The following CELSR1 variants were observed in gnomAD, a reference collection of about 807,000 sequenced individuals.
CELSR1 encodes cadherin EGF LAG seven-pass G-type receptor 1.
CELSR1 carries 110 observed loss-of-function variants against 249.1 expected under a neutral mutation model. The ratio of observed to expected loss-of-function variants is 0.44; its 90% CI spans 0.38 to 0.52. The LOEUF (loss-of-function observed/expected upper bound fraction) is 0.52, where lower values mean the gene tolerates loss of function less well. Among genes scored for constraint, CELSR1 ranks in the 20% least tolerant of loss-of-function variants. The pLI is 0.00. For missense variants in CELSR1, 4,109 were observed against 4,296.4 expected (o/e 0.96, Z 1.22); for synonymous variants, 2,113 against 1,900.0 (o/e 1.11, Z -2.92).
In CELSR1 at chr22:46,518,680, G is replaced by GCCT. The variant is rs1378413570; in HGVS notation, c.3544+14944_3544+14946dup. On this transcript the variant is annotated intron_variant, in intron 1 of 34. Coordinates refer to ENST00000674500, the MANE Select transcript of CELSR1 (RefSeq NM_001378328.1). This position sits in a 1 kb window ranked among gnomAD's most constrained non-coding sequence, Gnocchi z 5.2. ...TAATCCGAGTGTGGCTGCGGTCTCT[G>GCCT]CCTCCATCTTCACGTTGTGGCCTCC... Among the ~76,000 whole-genome samples, 1 of 152,220 alleles carries GCCT rather than the reference G, an allele frequency of 6.6e-6. No individual in the cohort carries two copies. Among genetic ancestry groups the GCCT allele is most frequent in the East Asian group, 1.9e-4 (1 of 5,194 alleles).
In CELSR1 at chr22:46,384,004, G is replaced by A. The variant is rs147678910; in HGVS notation, c.6883+539C>T. 5.1e-4 allele frequency among the ~76,000 whole-genome samples: 77 copies of A among 150,986 alleles called. No individual in the cohort carries two copies. The East Asian group carries it at 0.014, about 27-fold the overall frequency. On this transcript the variant is annotated intron_variant, in intron 20 of 34. Transcript: ENST00000674500. ...GAGTCTTACCAGGCTGGCATATCTCGGCTCACTACAACCTCTGCCTCGTGG... is the reference window on the plus strand; with the variant it reads ...GAGTCTTACCAGGCTGGCATATCTCAGCTCACTACAACCTCTGCCTCGTGG...
rs983445265 is a variant in CELSR1, at chr22:46,377,787, C to T, written c.7384-526G>A. On this transcript the variant is annotated intron_variant, in intron 23 of 34. Coordinates refer to ENST00000674500, the MANE Select transcript of CELSR1 (RefSeq NM_001378328.1). Reference sequence around the variant, plus strand: ...TTCACCTGCATATTGCACAAGAGGCCGCTGCCCTCCTCCAGCCCCGCCTGA... The same window carrying T: ...TTCACCTGCATATTGCACAAGAGGCTGCTGCCCTCCTCCAGCCCCGCCTGA... 3.9e-5 allele frequency among the ~76,000 whole-genome samples: 6 copies of T among 152,342 alleles called. No homozygotes were observed. In the South Asian group the frequency reaches 8.3e-4, roughly 21 times the overall value.
rs982476621 is a variant in CELSR1 at position 46,430,061 on chromosome 22, G to A, written c.4611+3332C>T. 1.3e-5 allele frequency among the ~76,000 whole-genome samples: 2 copies of A among 152,212 alleles called. No individual in the cohort carries two copies. Among genetic ancestry groups the A allele is most frequent in the Non-Finnish European group, 2.9e-5 (2 of 68,032 alleles). Reference sequence around the variant, plus strand: ...ACTGGTGGGTGGGGGAAGGGTCCCCGCAGGTTGCACGTGGAGGCAGTGCAG... The same window carrying A: ...ACTGGTGGGTGGGGGAAGGGTCCCCACAGGTTGCACGTGGAGGCAGTGCAG... On this transcript the variant is annotated intron_variant, in intron 5 of 34. Transcript: ENST00000674500. The surrounding 1 kb of genome is among the most constrained non-coding windows in gnomAD (Gnocchi z 4.6).
chr22:46,454,074 C>G lies in CELSR1; in HGVS notation c.4183+9633G>C, dbSNP rs1192481976. On this transcript the variant is annotated intron_variant, in intron 2 of 34. Coordinates refer to ENST00000674500, the MANE Select transcript of CELSR1 (RefSeq NM_001378328.1). This position sits in a 1 kb window ranked among gnomAD's most constrained non-coding sequence, Gnocchi z 5.1. ...TTACTGTGTGGCCCCAAAGTCATCA[C>G]AAGGCTCCTTGTAAGCGGTGGGAGG... 6.6e-6 allele frequency among the ~76,000 whole-genome samples: 1 copy of G among 152,158 alleles called. No individual in the cohort carries two copies. Among genetic ancestry groups the G allele is most frequent in the Non-Finnish European group, 1.5e-5 (1 of 68,028 alleles).
chr22:46,478,221 G>C (rs2082974693), intron 1 of CELSR1, among the ~76,000 whole-genome samples: 1 of 152,168 alleles, frequency 6.6e-6, no homozygotes. Flanking sequence ...GCGCCGTCTG[G>C]GGCATTCCCC....
intron 27 of CELSR1, 78 bp downstream of exon 27, chr22:46,369,101 C>A: frequency 4.1e-6 from 6 of 1,456,688 alleles, no homozygotes; most frequent in Middle Eastern, 3.6e-4. Flanking sequence ...CTCATGGGGC[C>A]CCACCCCGCA....
At chr22:46,463,439 CG>C (rs1255760438) in intron 2 of CELSR1, among the ~76,000 whole-genome samples, 2 of 151,880 alleles carry the variant, frequency 1.3e-5, no homozygotes, top group African/African-American at 4.8e-5. Context: ...TCGCTTGAAC[CG>C]AGGAGGCGGA....
rs775053587 is a variant in CELSR1 at position 46,364,317 on chromosome 22, G to C, written c.8780-66C>G. The C allele has an allele frequency of 7.0e-5, 111 of 1,574,846 alleles. No individual in the cohort carries two copies. The African/African-American group carries it at 8.5e-4, about 12-fold the overall frequency. On this transcript the variant is annotated intron_variant, in intron 33 of 34. Coordinates refer to ENST00000674500, the MANE Select transcript of CELSR1 (RefSeq NM_001378328.1). ...CTGCCGGGGGCAGCTGCTGGGCCGT[G>C]TGCAGCTGAGCCAGCCTCAGCCCCT... is the stretch of plus-strand genomic sequence containing the variant.
rs186684206 is a variant in CELSR1, at chr22:46,434,647, G to A, written c.4523-1166C>T. Among the ~76,000 whole-genome samples the A allele has an allele frequency of 1.3e-5, 2 of 152,306 alleles. No individual in the cohort carries two copies. The highest frequency in any genetic ancestry group is 4.8e-5 in the African/African-American group (2 of 41,576). On this transcript the variant is annotated intron_variant, in intron 4 of 34. Coordinates refer to ENST00000674500, the MANE Select transcript of CELSR1 (RefSeq NM_001378328.1). This position sits in a 1 kb window ranked among gnomAD's most constrained non-coding sequence, Gnocchi z 4.9. ...GTTCTAGAGACGGAAGCAGCTCTGA[G>A]CCATCTTGGTGAACTTCCAGGTGAA...
rs1259745655 is a variant in CELSR1 at position 46,446,093 on chromosome 22, A to C, written c.4184-6682T>G. Among the ~76,000 whole-genome samples the C allele has an allele frequency of 6.6e-6, 1 of 152,116 alleles. No homozygotes were observed. The highest frequency in any genetic ancestry group is 1.5e-5 in the Non-Finnish European group (1 of 68,008). ...ACTGCTCCATAAAGACCCCAGCCTA[A>C]GGGGTCCCAGGGCCCAGCCCCCAGC... On this transcript the variant is annotated intron_variant, in intron 2 of 34. Coordinates refer to ENST00000674500, the MANE Select transcript of CELSR1 (RefSeq NM_001378328.1). The surrounding 1 kb of genome is among the most constrained non-coding windows in gnomAD (Gnocchi z 5.5).
In CELSR1 at chr22:46,472,860, G is replaced by A. The variant is rs2080169804; in HGVS notation, c.3545-8515C>T. Among the ~76,000 whole-genome samples the A allele has an allele frequency of 6.6e-6, 1 of 152,188 alleles. No individual in the cohort carries two copies. The highest frequency in any genetic ancestry group is 2.4e-5 in the African/African-American group (1 of 41,436). On this transcript the variant is annotated intron_variant, in intron 1 of 34. Coordinates refer to ENST00000674500, the MANE Select transcript of CELSR1 (RefSeq NM_001378328.1). This position sits in a 1 kb window ranked among gnomAD's most constrained non-coding sequence, Gnocchi z 7.0. ...CCTCTGGCCTCTGCCTCTGCGCCAAGTGGCTATGGCTCTCCCTGTGTCGTC... is the reference window on the plus strand; with the variant it reads ...CCTCTGGCCTCTGCCTCTGCGCCAAATGGCTATGGCTCTCCCTGTGTCGTC...
intron 20 of CELSR1, among the ~76,000 whole-genome samples, chr22:46,383,131 A>C (rs982419060): frequency 6.6e-6 from 1 of 152,146 alleles, no homozygotes; most frequent in African/African-American, 2.4e-5. Context: ...TTCTCACTCT[A>C]TTAGTTCCAG....
At chr22:46,465,385 CCT>C (rs1194622351) in intron 1 of CELSR1, among the ~76,000 whole-genome samples, 12 of 152,274 alleles carry the variant, frequency 7.9e-5, no homozygotes, top group African/African-American at 2.9e-4. Context: ...GCGTGGGGCC[CCT>C]GTCACCCCTC....
chr22:46,363,968 C>G lies in CELSR1; in HGVS notation c.9035+28G>C. ...TCAGGACAAGGGGGAAGTGGGTGATCCCCGCCCTGGAGGCCCAGGCTACTC... is the reference window on the plus strand; with the variant it reads ...TCAGGACAAGGGGGAAGTGGGTGATGCCCGCCCTGGAGGCCCAGGCTACTC... On this transcript the variant is annotated intron_variant, in intron 34 of 34. Coordinates refer to ENST00000674500, the MANE Select transcript of CELSR1 (RefSeq NM_001378328.1). This position sits in a 1 kb window ranked among gnomAD's most constrained non-coding sequence, Gnocchi z 4.3. The G allele has an allele frequency of 6.4e-7, 1 of 1,558,756 alleles. No homozygotes were observed. The highest frequency in any genetic ancestry group is 2.3e-5 in the East Asian group (1 of 42,618).
chr22:46,436,997 G>A lies in CELSR1; in HGVS notation c.4407-708C>T, dbSNP rs1349271831. On this transcript the variant is annotated intron_variant, in intron 3 of 34. Coordinates refer to ENST00000674500, the MANE Select transcript of CELSR1 (RefSeq NM_001378328.1). This position sits in a 1 kb window ranked among gnomAD's most constrained non-coding sequence, Gnocchi z 5.9. ...TTATAAGAATGTATGATCCATAAGG[G>A]GAGGAACCGCAGCTCTCATTCCCTG... Among the ~76,000 whole-genome samples the A allele has an allele frequency of 6.6e-6, 1 of 152,158 alleles. No homozygotes were observed. Among genetic ancestry groups the A allele is most frequent in the Non-Finnish European group, 1.5e-5 (1 of 68,036 alleles).
chr22:46,486,838 G>A (rs960353681), intron 1 of CELSR1, among the ~76,000 whole-genome samples: 8 of 152,118 alleles, frequency 5.3e-5, no homozygotes, highest in African/African-American at 9.7e-5. Flanking sequence ...GCAAGACTCT[G>A]TCTCAGAACA....
rs888002151 is a variant in CELSR1 at position 46,412,184 on chromosome 22, G to A, written c.4612-425C>T. Among the ~76,000 whole-genome samples the A allele has an allele frequency of 1.3e-5, 2 of 152,168 alleles. No individual in the cohort carries two copies. Among genetic ancestry groups the A allele is most frequent in the Non-Finnish European group, 2.9e-5 (2 of 68,032 alleles). On this transcript the variant is annotated intron_variant, in intron 5 of 34. Transcript: ENST00000674500. This position sits in a 1 kb window ranked among gnomAD's most constrained non-coding sequence, Gnocchi z 4.5. Reference sequence around the variant, plus strand: ...GGCCACCTGGGCCACCGACAGCTAGGAAAAGGCAGGAAGGGTCCTCCCCTT... The same window carrying A: ...GGCCACCTGGGCCACCGACAGCTAGAAAAAGGCAGGAAGGGTCCTCCCCTT...
chr22:46,493,214 C>T (rs1452686896), intron 1 of CELSR1, among the ~76,000 whole-genome samples: 2 of 152,110 alleles, frequency 1.3e-5, no homozygotes, highest in South Asian at 4.1e-4. Context: ...GGCACCACTG[C>T]ACTCCAGCCT....
At chr22:46,368,756 C>G (rs1213165015) in intron 27 of CELSR1, among the ~76,000 whole-genome samples, 1 of 152,032 alleles carries the variant, frequency 6.6e-6, no homozygotes, top group Non-Finnish European at 1.5e-5. Context: ...CTGTGCTGGG[C>G]CCCTGTTCCA....
Sources: allele counts gnomAD v4.1 joint callset (sites outside exome capture counted in the v4.1 genomes callset), GRCh38; gene constraint gnomAD v4.1.1; non-coding constraint Gnocchi (gnomAD v3.1); transcripts MANE v1.5; gene names NCBI Gene and HGNC (gene_info 2026-07-23, HGNC 2026-07-21).